The following HIVEP3 variants were observed in gnomAD, a reference collection of about 807,000 sequenced individuals.
HIVEP3 encodes transcription factor HIVEP3.
HIVEP3 carries 49 observed loss-of-function variants against 152.8 expected under a neutral mutation model. The ratio of observed to expected loss-of-function variants is 0.32; its 90% CI spans 0.26 to 0.41. The LOEUF is 0.41. Ranked by LOEUF, HIVEP3 falls within the 10% of genes least tolerant of loss-of-function variation. The pLI is 1.00. For synonymous variants in HIVEP3, 1,269 were observed against 1,289.0 expected, an observed-to-expected ratio of 0.98 and a Z score of 0.33; for missense variants, 2,790 against 3,103.3, an observed-to-expected ratio of 0.90 and a Z score of 2.40.
intron 1 of HIVEP3, among the ~76,000 whole-genome samples, chr1:41,907,593 G>A (rs893162183): frequency 2.0e-5 from 3 of 152,202 alleles, no homozygotes; most frequent in Admixed American, 6.5e-5. Context: ...CTGGGCCTGC[G>A]GGAGGCCCAT....
At chr1:41,618,755 G>T (rs1298522045) in intron 3 of HIVEP3, among the ~76,000 whole-genome samples, 1 of 152,200 alleles carries the variant, frequency 6.6e-6, no homozygotes, top group Non-Finnish European at 1.5e-5. Flanking sequence ...CCATTTTCCA[G>T]ATGAGGAAAC....
intron 5 of HIVEP3, among the ~76,000 whole-genome samples, chr1:41,539,303 C>T (rs1443841985): frequency 6.6e-6 from 1 of 152,184 alleles, no homozygotes; most frequent in Admixed American, 6.5e-5. Flanking sequence ...GTGCTCACAC[C>T]CATGCTCTGA....
At chr1:41,604,207 CA>C (rs933586043) in intron 3 of HIVEP3, among the ~76,000 whole-genome samples, 4 of 152,002 alleles carry the variant, frequency 2.6e-5, no homozygotes, top group African/African-American at 9.7e-5. Context: ...GTATGTCCTC[CA>C]AAAAACACAA....
At position 41,873,825 on chromosome 1, in the gene HIVEP3, C is replaced by G. The variant is rs1231226081; in HGVS notation, c.-801+44588G>C. Among the ~76,000 whole-genome samples the G allele has an allele frequency of 2.6e-5, 4 of 152,174 alleles. No homozygotes were observed. The highest frequency in any genetic ancestry group is 9.7e-5 in the African/African-American group (4 of 41,436). On this transcript the variant is annotated intron_variant, in intron 1 of 8. Transcript: ENST00000372583. This position sits in a 1 kb window ranked among gnomAD's most constrained non-coding sequence, Gnocchi z 4.2. ...GAATTCAAGAGTGGGATTCAAGAGA[C>G]CAAACCATGGGGTCTAGGGGAAATA...
At chr1:41,858,214 TGGGACA>T (rs988768955) in intron 1 of HIVEP3, among the ~76,000 whole-genome samples, 1 of 151,080 alleles carries the variant, frequency 6.6e-6, no homozygotes, top group Non-Finnish European at 1.5e-5. Context: ...TCTGCTCTGT[TGGGACA>T]CCTTTTCCAC....
chr1:42,005,059 T>G (rs1169456369), intron 1 of HIVEP3, among the ~76,000 whole-genome samples: 2 of 152,182 alleles, frequency 1.3e-5, no homozygotes, highest in Admixed American at 6.5e-5. Context: ...TTAGGGACTT[T>G]GCCCTGGCCA....
At chr1:41,997,477 G>A (rs1373897050) in intron 1 of HIVEP3, among the ~76,000 whole-genome samples, 1 of 152,200 alleles carries the variant, frequency 6.6e-6, no homozygotes, top group Non-Finnish European at 1.5e-5. Context: ...ATTTTAAATA[G>A]TATCACATAC....
Position 41,973,171 on chromosome 1 carries a change from G to T in HIVEP3, n.120-54647C>A, listed in dbSNP as rs191259269. On this transcript the variant is annotated intron_variant and non_coding_transcript_variant, in intron 1 of 3. Transcript: ENST00000489103. ...CTTGGTAAGGAACAAAGAGATCAGGGTGTATATAAGTTATCTATTGCTGAA... is the reference window on the plus strand; with the variant it reads ...CTTGGTAAGGAACAAAGAGATCAGGTTGTATATAAGTTATCTATTGCTGAA... 1.1e-3 allele frequency among the ~76,000 whole-genome samples: 173 copies of T among 152,304 alleles called. 1 individual carries two copies. The highest frequency in any genetic ancestry group is 4.0e-3 in the African/African-American group (166 of 41,566).
chr1:41,858,469 A>T (rs1643831189), intron 1 of HIVEP3, among the ~76,000 whole-genome samples: 1 of 152,208 alleles, frequency 6.6e-6, no homozygotes, highest in Non-Finnish European at 1.5e-5. Context: ...TTCCTGCCCC[A>T]CAATGGACCA....
At chr1:41,803,811 G>A (rs535710809) in intron 1 of HIVEP3, among the ~76,000 whole-genome samples, 9 of 152,326 alleles carry the variant, frequency 5.9e-5, no homozygotes, top group South Asian at 4.1e-4. Context: ...GAGGGATCAC[G>A]GGGAAAATGT....
At chr1:41,573,877 G>A (rs751555069) in intron 5 of HIVEP3, among the ~76,000 whole-genome samples, 7 of 152,184 alleles carry the variant, frequency 4.6e-5, no homozygotes, top group Non-Finnish European at 7.3e-5. Flanking sequence ...CTGGAAGGAG[G>A]TGGAGAGGGA....
At chr1:41,700,895 T>G (rs1488455902) in intron 2 of HIVEP3, 21 bp downstream of exon 2, 3 of 966,092 alleles carry the variant, frequency 3.1e-6, no homozygotes, top group African/African-American at 3.5e-5. Flanking sequence ...CTGTGTCCTG[T>G]GGGGGATGGG....
Position 42,032,840 on chromosome 1 carries a change from G to A in HIVEP3, n.119+2967C>T, listed in dbSNP as rs778397620. ...GCCACGGCCTCCTAACTGGTCTCCC[G>A]GATTTGGCCTTTCTCCTCTAATATA... On this transcript the variant is annotated intron_variant and non_coding_transcript_variant, in intron 1 of 3. Coordinates refer to the HIVEP3 transcript ENST00000489103. Among the ~76,000 whole-genome samples the A allele has an allele frequency of 7.9e-5, 12 of 152,196 alleles. No homozygotes were observed. In the East Asian group the frequency reaches 2.1e-3, roughly 27 times the overall value.
At chr1:41,564,395 T>C (rs1045004661) in intron 5 of HIVEP3, among the ~76,000 whole-genome samples, 1 of 151,590 alleles carries the variant, frequency 6.6e-6, no homozygotes, top group Non-Finnish European at 1.5e-5. Context: ...GGAGAGGAGA[T>C]AATCAAAGAA....
intron 1 of HIVEP3, among the ~76,000 whole-genome samples, chr1:41,816,869 A>C (rs546828890): frequency 1.3e-5 from 2 of 152,258 alleles, no homozygotes; most frequent in East Asian, 3.9e-4. Context: ...AGCACTGTCC[A>C]CCTGGAAAAC....
intron 2 of HIVEP3, among the ~76,000 whole-genome samples, chr1:41,649,453 A>T (rs1159588965): frequency 6.6e-6 from 1 of 152,226 alleles, no homozygotes; most frequent in African/African-American, 2.4e-5. Context: ...CCCTCTAAAA[A>T]GGGCTCAATA....
At chr1:41,746,990 T>C in intron 1 of HIVEP3, among the ~76,000 whole-genome samples, 1 of 151,958 alleles carries the variant, frequency 6.6e-6, no homozygotes, top group South Asian at 2.1e-4. Context: ...CGAGGATCCA[T>C]GGGTCAGGGA....
At chr1:41,529,483 C>T (rs1643166611) in intron 5 of HIVEP3, among the ~76,000 whole-genome samples, 1 of 108,662 alleles carries the variant, frequency 9.2e-6, no homozygotes, top group African/African-American at 3.3e-5. Context: ...ACACCCCATA[C>T]TCACATACTC....
intron 1 of HIVEP3, among the ~76,000 whole-genome samples, chr1:41,813,362 C>G (rs1429512515): frequency 6.6e-6 from 1 of 152,226 alleles, no homozygotes; most frequent in Non-Finnish European, 1.5e-5. Flanking sequence ...GATCTGGAAA[C>G]AGTCCTATCA....
Sources: gnomAD v4.1 joint callset for allele counts (sites outside exome capture counted in the v4.1 genomes callset) on GRCh38, gnomAD v4.1.1 for gene constraint, Gnocchi (gnomAD v3.1) non-coding constraint, MANE v1.5 for transcripts, NCBI Gene and HGNC (gene_info 2026-07-23, HGNC 2026-07-21) for gene names.